Variants in ZNF799 observed in about 807,000 individuals in gnomAD.
ZNF799 encodes the protein zinc finger protein 799, also known as zinc finger protein 14.
In ZNF799, 28 loss-of-function variants were observed where a neutral mutation model predicts 41.0. The observed-to-expected ratio is 0.68, with a 90% CI of 0.51 to 0.94. The LOEUF is 0.94. ZNF799 is among the 40% of genes least tolerant of loss of function. The probability of loss-of-function intolerance (pLI) is 0.00; values close to 1 mark genes in which losing one functional copy is unlikely to be tolerated. For synonymous variants in ZNF799, 213 were observed against 252.9 expected, an observed-to-expected ratio of 0.84 and a Z score of 1.50; for missense variants, 716 against 764.3, an observed-to-expected ratio of 0.94 and a Z score of 0.74.
the ZNF799 span, among the ~76,000 whole-genome samples, chr19:12,411,814 T>C: frequency 0.26 from 39,794 of 151,894 alleles, 5,436 homozygotes; most frequent in South Asian, 0.37. Context: ...GGTTTTACCA[T>C]GTTGGTCAGG....
upstream of ZNF799, among the ~76,000 whole-genome samples, chr19:12,402,041 C>T (rs556201192): frequency 3.9e-5 from 6 of 152,344 alleles, no homozygotes; most frequent in East Asian, 3.9e-4. Context: ...AACTACTCCT[C>T]GCTACTACTT....
upstream of ZNF799, among the ~76,000 whole-genome samples, chr19:12,401,812 G>C (rs1461265304): frequency 6.6e-6 from 1 of 152,020 alleles, no homozygotes; most frequent in Non-Finnish European, 1.5e-5. Context: ...CTGACCTCGT[G>C]ATCCGCCCAC....
rs371264141 is a variant in ZNF799, at chr19:12,391,630, T to C, written c.768A>G (p.Lys256=). ...THTGEKLYEC[K]QCSKAFPDYS... is the part of the protein sequence containing the mutation. The stretch of plus-strand genomic sequence containing the variant: ...AATCAGGGAAGGCTTTAGAACACTG[T>C]TTACATTCATACAGTTTCTCCCCAG... The change falls in exon 4 of 4, where the codon AAA becomes AAG. Residue 256 remains lysine (K), a synonymous_variant. Coordinates refer to ENST00000430385, the MANE Select transcript of ZNF799 (RefSeq NM_001080821.3). The C allele has an allele frequency of 8.1e-6, 13 of 1,612,396 alleles. No individual in the cohort carries two copies. The highest frequency in any genetic ancestry group is 1.7e-4 in the Middle Eastern group (1 of 6,058).
chr19:12,400,830 G>A (rs540103608), intron 1 of ZNF799: 2 of 637,772 alleles, frequency 3.1e-6, no homozygotes, highest in South Asian at 3.9e-5. Context: ...TGCGGGCGCG[G>A]AGCTGCCCAG....
chr19:12,391,758 T>C lies in ZNF799; in HGVS notation c.640A>G (p.Met214Val). 2 of 1,614,188 alleles carry C rather than the reference T, an allele frequency of 1.2e-6. No individual in the cohort carries two copies. The highest frequency in any genetic ancestry group is 1.7e-6 in the Non-Finnish European group (2 of 1,180,016). ...KAFFWPSLLH[M>V]HERTHTGEKP... ...TCTCCAGTGTGCGTTCTCTCATGCA[T>C]ATGTAATAAACTGGGCCAAAAAAAC... The change falls in exon 4 of 4, where the codon ATG (methionine) becomes GTG (valine). Residue 214 changes from methionine to valine, a missense_variant. This residue lies in a region of ZNF799 where 698 missense variants were observed against 713.6 expected (regional missense o/e 0.98). Transcript: ENST00000430385.
Position 12,398,794 on chromosome 19 carries a change from G to A in ZNF799, c.3+2274C>T, listed in dbSNP as rs1226617362. 3.3e-5 allele frequency among the ~76,000 whole-genome samples: 5 copies of A among 152,032 alleles called. No homozygotes were observed. The East Asian group carries it at 9.6e-4, about 29-fold the overall frequency. ...TTTTTTGCAGCCATAATGGAAGAGGGTTTTTTCCTTGGTAGTAGTTATACT... is the reference window on the plus strand; with the variant it reads ...TTTTTTGCAGCCATAATGGAAGAGGATTTTTTCCTTGGTAGTAGTTATACT... On this transcript the variant is annotated intron_variant, in intron 1 of 3. Coordinates refer to ENST00000430385, the MANE Select transcript of ZNF799 (RefSeq NM_001080821.3).
upstream of ZNF799, chr19:12,401,363 AGC>A: frequency 1.2e-6 from 1 of 811,720 alleles, no homozygotes; most frequent in African/African-American, 1.7e-5. Context: ...GATCTTGCAC[AGC>A]TGAGTGGAGC....
intron 1 of ZNF799, among the ~76,000 whole-genome samples, chr19:12,397,097 A>G (rs960191647): frequency 1.3e-5 from 2 of 152,252 alleles, no homozygotes; most frequent in African/African-American, 4.8e-5. Context: ...AGTTTATAAT[A>G]GGGCAAATGG....
At chr19:12,406,769 G>A in the ZNF799 span, among the ~76,000 whole-genome samples, 2,356 of 144,932 alleles carry the variant, frequency 0.016, 47 homozygotes, top group African/African-American at 0.056. Context: ...ACATGGTGGC[G>A]GGCGCCTGTA....
Position 12,390,507 on chromosome 19 carries a change from C to A in ZNF799, c.1891G>T (p.Ala631Ser), listed in dbSNP as rs374763289. ...TGTCTATGCAAGGAACTGAGAGAAG[C>A]AAATGCTTTCCCACATTCCTTACAT... ...YGCKECGKAFASLSSLHRHKK... is the reference protein window; with the variant it reads ...YGCKECGKAFSSLSSLHRHKK... The change falls in exon 4 of 4, where the codon GCT (alanine) becomes TCT (serine). Residue 631 changes from alanine (A) to serine (S), a missense_variant. Physicochemically the swap from Ala to Ser is moderately conservative, Grantham distance 99. Coordinates refer to ENST00000430385, the MANE Select transcript of ZNF799 (RefSeq NM_001080821.3). 12 of 1,613,786 alleles carry A rather than the reference C, an allele frequency of 7.4e-6. No homozygotes were observed. In the African/African-American group the frequency reaches 1.5e-4, roughly 20 times the overall value.
At chr19:12,401,603 A>T (rs1260593887), upstream of ZNF799, among the ~76,000 whole-genome samples, 3 of 105,554 alleles carry the variant, frequency 2.8e-5, no homozygotes, top group Admixed American at 3.1e-4. Flanking sequence ...AGAGAGAGGG[A>T]GTCTTGCTCC....
chr19:12,401,579 A>ATT, upstream of ZNF799, among the ~76,000 whole-genome samples: 1 of 107,964 alleles, frequency 9.3e-6, no homozygotes, highest in Non-Finnish European at 1.7e-5. Context: ...CGAGAGAGAG[A>ATT]GAGAGAGAGA....
At position 12,390,752 on chromosome 19, in the gene ZNF799, C is replaced by A. The variant is rs201774632; in HGVS notation, c.1646G>T (p.Arg549Leu). 6.2e-7 allele frequency: 1 copy of A among 1,613,982 alleles called. No homozygotes were observed. The highest frequency in any genetic ancestry group is 1.1e-5 in the South Asian group (1 of 91,060). The change falls in exon 4 of 4, where the codon CGA (arginine) becomes CTA (leucine). Residue 549 changes from arginine (R) to leucine (L), a missense_variant. Physicochemically the swap from Arg to Leu is moderately radical, Grantham distance 102. Around this residue, in one of 2 missense-constraint regions of ZNF799, gnomAD observed 698 missense variants for 713.6 expected, o/e 0.98. Transcript: ENST00000430385. ...CTCTCTCATGTGAATTCTTTCATGT[C>A]GTAGAAAGCAAGTGAGCCAAGAGAA... ...KAFSWLTCFL[R>L]HERIHMREKP...
Position 12,395,829 on chromosome 19 carries a change from C to T in ZNF799, c.4-2406G>A, listed in dbSNP as rs528637979. ...CCTGGCTAAGTGTTCAAGGGATGCC[C>T]CAGGCACAGAGCCATCCACAAAGAC... On this transcript the variant is annotated intron_variant, in intron 1 of 3. Transcript: ENST00000430385. Among the ~76,000 whole-genome samples the T allele has an allele frequency of 2.1e-4, 32 of 152,318 alleles. No homozygotes were observed. In the South Asian group the frequency reaches 6.0e-3, roughly 29 times the overall value.
chr19:12,392,793 G>T, intron 2 of ZNF799, 130 bp from the exon 3 acceptor site: 1 of 656,964 alleles, frequency 1.5e-6, no homozygotes, highest in Admixed American at 3.0e-5. Flanking sequence ...AAAAACAGAG[G>T]TTTGAACTGC....
In ZNF799 at chr19:12,400,850, C is replaced by T. The variant is rs774018989; in HGVS notation, c.3+218G>A. ...GCGCGGAGCTGCCCAGAGAGGGCGC[C>T]GGGGCCGCAGTCGCCGCGCAGGAAC... is the stretch of plus-strand genomic sequence containing the variant. On this transcript the variant is annotated intron_variant, in intron 1 of 3. Coordinates refer to ENST00000430385, the MANE Select transcript of ZNF799 (RefSeq NM_001080821.3). The T allele has an allele frequency of 6.7e-6, 5 of 745,460 alleles. No individual in the cohort carries two copies. The East Asian group carries it at 1.4e-4, about 21-fold the overall frequency. 46.2% of individuals were successfully genotyped at this position (745,460 alleles called of 1,614,324 possible). A position where few individuals can be genotyped will look rare whatever the true frequency, so the allele number is the denominator to read the frequency against.
Position 12,391,858 on chromosome 19 carries a change from A to G in ZNF799, c.540T>C (p.Ser180=). 1 of 1,614,208 alleles carries G rather than the reference A, an allele frequency of 6.2e-7. No individual in the cohort carries two copies. Among genetic ancestry groups the G allele is most frequent in the South Asian group, 1.1e-5 (1 of 91,084 alleles). ...NCKECGKSFS[S]LGNLQRHMAV... is the part of the protein sequence containing the mutation. ...CCATGTGTCTTTGAAGGTTTCCCAA[A>G]GAACTGAAGGACTTCCCACATTCTT... The change falls in exon 4 of 4, where the codon TCT becomes TCC. Residue 180 remains serine (S), a synonymous_variant. Transcript: ENST00000430385.
rs1969834697 is a variant in ZNF799 at position 12,392,154 on chromosome 19, C to T, written c.244G>A (p.Glu82Lys). 6.2e-7 allele frequency: 1 copy of T among 1,605,388 alleles called. No homozygotes were observed. The highest frequency in any genetic ancestry group is 8.5e-7 in the Non-Finnish European group (1 of 1,175,362). ...CTATCTTGAATCTGGCTAGATGTTT[C>T]TCCACATTGAGTTCCATCTTTACTT... ...VESKDGTQCG[E>K]TSSQIQDSIV... Residue 82 changes from glutamate (E) to lysine (K), a missense_variant, in exon 4 of 4, where the codon GAA becomes AAA. Physicochemically the swap from Glu to Lys is moderately conservative, Grantham distance 56 (BLOSUM62 1). Transcript: ENST00000430385.
the ZNF799 span, among the ~76,000 whole-genome samples, chr19:12,408,673 T>C: frequency 6.6e-6 from 1 of 152,208 alleles, no homozygotes; most frequent in Non-Finnish European, 1.5e-5. Context: ...TATTTCATAA[T>C]GATAAAGTGC....
Sources: allele counts gnomAD v4.1 joint callset (sites outside exome capture counted in the v4.1 genomes callset), GRCh38; gene constraint gnomAD v4.1.1; regional missense constraint gnomAD v4.1.1; transcripts MANE v1.5; gene names NCBI Gene and HGNC (gene_info 2026-07-23, HGNC 2026-07-21).